The following HFM1 variants were observed in gnomAD, a reference collection of about 807,000 sequenced individuals.
HFM1 encodes probable ATP-dependent DNA helicase HFM1.
In HFM1, 169 loss-of-function variants were observed where a neutral mutation model predicts 192.1. The ratio of observed to expected loss-of-function variants is 0.88; its 90% CI spans 0.78 to 1.00. The LOEUF (loss-of-function observed/expected upper bound fraction) is 1.00, where lower values mean the gene tolerates loss of function less well. Ranked by LOEUF, HFM1 falls within the 50% of genes least tolerant of loss-of-function variation. The pLI is 0.00. For synonymous variants in HFM1, 525 were observed against 537.8 expected (o/e 0.98, Z 0.33); for missense variants, 1,661 against 1,668.0 (o/e 1.00, Z 0.07).
chr1:91,350,444 A>C (rs894967215), intron 18 of HFM1, among the ~76,000 whole-genome samples: 1 of 152,178 alleles, frequency 6.6e-6, no homozygotes, highest in African/African-American at 2.4e-5. Context: ...TTTTGTAACT[A>C]ACTTATTTTC....
chr1:91,270,768 G>C (rs1376163431), intron 34 of HFM1, among the ~76,000 whole-genome samples: 1 of 152,040 alleles, frequency 6.6e-6, no homozygotes, highest in Non-Finnish European at 1.5e-5. Context: ...ACAGTTCACT[G>C]AATTCAGAAC....
intron 30 of HFM1, among the ~76,000 whole-genome samples, chr1:91,299,633 C>T (rs1171719434): frequency 6.6e-6 from 1 of 152,194 alleles, no homozygotes; most frequent in African/African-American, 2.4e-5. Flanking sequence ...AAGAAATTCA[C>T]TCAAAACCGC....
In HFM1 at chr1:91,402,305, C is replaced by T. The variant is rs564944925; in HGVS notation, c.-27-1196G>A. Among the ~76,000 whole-genome samples, 677 of 152,232 alleles carry T rather than the reference C, an allele frequency of 4.4e-3. 1 individual carries two copies. The highest frequency in any genetic ancestry group is 7.5e-3 in the Non-Finnish European group (513 of 67,966). ...CTTGACAAATGCTACTGTATGAGAACTAAACCTGTATATATACTTCAGGGC... is the reference window on the plus strand; with the variant it reads ...CTTGACAAATGCTACTGTATGAGAATTAAACCTGTATATATACTTCAGGGC... On this transcript the variant is annotated intron_variant, in intron 1 of 38. Transcript: ENST00000370425.
At chr1:91,323,647 T>C (rs896411570) in intron 21 of HFM1, among the ~76,000 whole-genome samples, 3 of 152,168 alleles carry the variant, frequency 2.0e-5, no homozygotes, top group African/African-American at 7.2e-5. Flanking sequence ...ATTAGGAAAT[T>C]TGGATTCTAG....
intron 38 of HFM1, 162 bp downstream of exon 38, chr1:91,262,079 C>G: frequency 2.4e-6 from 1 of 412,134 alleles, no homozygotes. Flanking sequence ...TTTGAAACAT[C>G]TTAAAGAGCT....
At position 91,316,409 on chromosome 1, in the gene HFM1, A is replaced by G; in HGVS notation, c.2880T>C (p.Asp960=). The change falls in exon 26 of 39, where the codon GAT becomes GAC. Residue 960 remains aspartate, a synonymous_variant. Transcript: ENST00000370425. ...TAACTACCAATTCAAGTTCCCTTGCATCTGTCTCTTCTATTTTTTTAAAGG... is the reference window on the plus strand; with the variant it reads ...TAACTACCAATTCAAGTTCCCTTGCGTCTGTCTCTTCTATTTTTTTAAAGG... ...LTSFKKIEET[D]ARELELILNR... The G allele has an allele frequency of 6.4e-7, 1 of 1,571,180 alleles. No individual in the cohort carries two copies. The highest frequency in any genetic ancestry group is 8.7e-7 in the Non-Finnish European group (1 of 1,150,376).
At chr1:91,343,002 C>A (rs1458533441) in intron 20 of HFM1, among the ~76,000 whole-genome samples, 1 of 151,776 alleles carries the variant, frequency 6.6e-6, no homozygotes, top group African/African-American at 2.4e-5. Context: ...CCGAGGTGGG[C>A]AGATCACAAG....
chr1:91,302,788 G>A (rs529171427), intron 30 of HFM1, among the ~76,000 whole-genome samples: 3 of 150,724 alleles, frequency 2.0e-5, no homozygotes, highest in South Asian at 2.1e-4. Context: ...GTTGTGGGGT[G>A]GGGGGGAGGG....
At position 91,375,376 on chromosome 1, in the gene HFM1, G is replaced by A. The variant is rs1660781325; in HGVS notation, c.1667C>T (p.Thr556Ile). ...ACTATACCTCTGTTTCTGTTCCACA[G>A]TCATAATAAATTTAGCATCTTTCAC... ...VLVKDAKFIM[T>I]VEQKQRLQKY... Residue 556 changes from threonine (T) to isoleucine (I), a missense_variant, in exon 13 of 39, where the codon ACT becomes ATT. Thr to Ile is a moderately conservative substitution (Grantham distance 89, BLOSUM62 -1). Transcript: ENST00000370425. 1 of 1,611,740 alleles carries A rather than the reference G, an allele frequency of 6.2e-7. No individual in the cohort carries two copies. The highest frequency in any genetic ancestry group is 8.5e-7 in the Non-Finnish European group (1 of 1,178,418).
chr1:91,261,986 T>G (rs1164987297), intron 38 of HFM1, among the ~76,000 whole-genome samples: 1 of 152,148 alleles, frequency 6.6e-6, no homozygotes, highest in Non-Finnish European at 1.5e-5. Flanking sequence ...TTCAAATCAG[T>G]AAAAGTAAGT....
chr1:91,407,009 T>G (rs1333735012), upstream of HFM1, among the ~76,000 whole-genome samples: 1 of 152,190 alleles, frequency 6.6e-6, no homozygotes, highest in Non-Finnish European at 1.5e-5. Flanking sequence ...GAAGGCGCGC[T>G]TTCTTTCTTT....
Position 91,380,967 on chromosome 1 carries a change from C to T in HFM1, c.818G>A (p.Ser273Asn), listed in dbSNP as rs1315690085. The T allele has an allele frequency of 2.7e-6, 4 of 1,458,434 alleles. No individual in the cohort carries two copies. The African/African-American group carries it at 5.6e-5, about 20-fold the overall frequency. 90.3% of individuals were successfully genotyped at this position (1,458,434 alleles called of 1,614,324 possible). A position where few individuals can be genotyped will look rare whatever the true frequency, so the allele number is the denominator to read the frequency against. ...GAAATATGGAAATTCTTTGAAAATA[C>T]TTCTAAATTTTGCCGCTTACAATAA... is the stretch of plus-strand genomic sequence containing the variant. ...AVTEIPAKFR[S>N]IFKEFPYFNY... Residue 273 changes from serine to asparagine, a missense_variant, in exon 7 of 39, where the codon AGT becomes AAT. By Grantham distance (46) the Ser-to-Asn change is conservative. Coordinates refer to ENST00000370425, the MANE Select transcript of HFM1 (RefSeq NM_001017975.6).
intron 21 of HFM1, among the ~76,000 whole-genome samples, chr1:91,324,177 G>C (rs1176725417): frequency 6.6e-6 from 1 of 152,096 alleles, no homozygotes; most frequent in Non-Finnish European, 1.5e-5. Flanking sequence ...TCTACAATCA[G>C]TTCTTTTATC....
Position 91,363,505 on chromosome 1 carries a change from A to G in HFM1, c.1686-10206T>C, listed in dbSNP as rs976914251. ...GAGATACCATCTCATGTCAGTCAAA[A>G]TGGCAATTACTAAAAAGTCAAAAAA... On this transcript the variant is annotated intron_variant, in intron 13 of 38. Coordinates refer to ENST00000370425, the MANE Select transcript of HFM1 (RefSeq NM_001017975.6). Among the ~76,000 whole-genome samples, 36 of 149,784 alleles carry G rather than the reference A, an allele frequency of 2.4e-4. 1 individual carries two copies. The highest frequency in any genetic ancestry group is 8.8e-4 in the African/African-American group (36 of 41,058).
At position 91,276,691 on chromosome 1, in the gene HFM1, T is replaced by C. The variant is rs1358714513; in HGVS notation, c.3525A>G (p.Ser1175=). ...TCCTGTTTCTTAAATCAGATAAATA[T>C]GAAGAAATTGTTGACTCTTTAATTT... is the stretch of plus-strand genomic sequence containing the variant. ...KSEIKESTIS[S]YLSDLRNRNA... The change falls in exon 32 of 39, where the codon TCA becomes TCG. Residue 1175 remains serine, a synonymous_variant. Coordinates refer to ENST00000370425, the MANE Select transcript of HFM1 (RefSeq NM_001017975.6). 1 of 1,567,936 alleles carries C rather than the reference T, an allele frequency of 6.4e-7. No individual in the cohort carries two copies. Among genetic ancestry groups the C allele is most frequent in the South Asian group, 1.2e-5 (1 of 82,112 alleles).
At position 91,378,067 on chromosome 1, in the gene HFM1, C is replaced by T. The variant is rs778161077; in HGVS notation, c.1353G>A (p.Met451Ile). 8.1e-6 allele frequency: 13 copies of T among 1,612,240 alleles called. No homozygotes were observed. Among genetic ancestry groups the T allele is most frequent in the East Asian group, 2.2e-5 (1 of 44,782 alleles). The change falls in exon 11 of 39, where the codon ATG (methionine) becomes ATA (isoleucine). Residue 451 changes from methionine to isoleucine, a missense_variant. Transcript: ENST00000370425. ...TLKNTSTAIP[M>I]RFVAVSATIP... is the part of the protein sequence containing the mutation. ...TTGTTGCAGATACAGCTACAAATCG[C>T]ATTGGAATAGCAGTGCTGGTATTTT...
chr1:91,272,107 C>T (rs1666360544), intron 34 of HFM1, among the ~76,000 whole-genome samples: 1 of 152,038 alleles, frequency 6.6e-6, no homozygotes, highest in Admixed American at 6.6e-5. Context: ...TATTTGAATA[C>T]ATTTAAAGTA....
At chr1:91,308,240 C>CT (rs1376193177) in intron 30 of HFM1, among the ~76,000 whole-genome samples, 2 of 152,084 alleles carry the variant, frequency 1.3e-5, no homozygotes, top group Admixed American at 1.3e-4. Flanking sequence ...TATGTTAGAC[C>CT]TTTTTTTGAG....
At chr1:91,264,747 G>A (rs1327242195) in intron 36 of HFM1, among the ~76,000 whole-genome samples, 1 of 152,000 alleles carries the variant, frequency 6.6e-6, no homozygotes, top group Non-Finnish European at 1.5e-5. Context: ...TATTTCTTCT[G>A]TTTTGAAAAT....
Sources: allele counts gnomAD v4.1 joint callset (sites outside exome capture counted in the v4.1 genomes callset), GRCh38; gene constraint gnomAD v4.1.1; transcripts MANE v1.5; gene names NCBI Gene and HGNC (gene_info 2026-07-23, HGNC 2026-07-21).